The following WDFY4 variants were observed in gnomAD, a reference collection of about 807,000 sequenced individuals.
WDFY4 encodes the protein WD repeat- and FYVE domain-containing protein 4.
Under a neutral mutation model 351.9 loss-of-function variants are expected in WDFY4, and 169 were observed. That is an observed-to-expected ratio of 0.48 (90% CI 0.42 to 0.55). WDFY4 has a LOEUF of 0.55. Ranked by LOEUF, WDFY4 falls within the 20% of genes least tolerant of loss-of-function variation. The probability of loss-of-function intolerance (pLI) is 0.00; values close to 1 mark genes in which losing one functional copy is unlikely to be tolerated. For synonymous variants in WDFY4, 1,622 were observed against 1,574.6 expected (o/e 1.03, Z -0.71); for missense variants, 3,803 against 3,935.6 (o/e 0.97, Z 0.90).
chr10:48,725,168 T>C (rs1239021996), intron 5 of WDFY4, among the ~76,000 whole-genome samples: 3 of 151,248 alleles, frequency 2.0e-5, no homozygotes, highest in Non-Finnish European at 4.4e-5. Context: ...CTGTGGTCCA[T>C]GAAGCCCAGC....
At chr10:48,687,567 A>T (rs1412803605) in intron 1 of WDFY4, among the ~76,000 whole-genome samples, 1 of 148,566 alleles carries the variant, frequency 6.7e-6, no homozygotes, top group African/African-American at 2.5e-5. Context: ...CTTTTCCCAT[A>T]TGGATAACCA....
intron 43 of WDFY4, among the ~76,000 whole-genome samples, chr10:48,885,345 G>C (rs536979657): frequency 4.5e-4 from 68 of 152,318 alleles, no homozygotes; most frequent in African/African-American, 1.6e-3. Flanking sequence ...GGCTAAAAAT[G>C]CGCTCCAATT....
intron 1 of WDFY4, among the ~76,000 whole-genome samples, chr10:48,706,848 G>T (rs1218610066): frequency 6.6e-6 from 1 of 152,204 alleles, no homozygotes; most frequent in East Asian, 1.9e-4. Flanking sequence ...GTGCCTAAGT[G>T]TAAGGGCTTA....
intron 57 of WDFY4, among the ~76,000 whole-genome samples, chr10:48,972,515 C>T (rs943982352): frequency 7.9e-5 from 12 of 152,232 alleles, no homozygotes; most frequent in African/African-American, 1.7e-4. Flanking sequence ...ACATTTCAAT[C>T]GTTCCATATC....
intron 47 of WDFY4, among the ~76,000 whole-genome samples, chr10:48,930,393 T>C (rs1839921389): frequency 6.6e-6 from 1 of 152,182 alleles, no homozygotes; most frequent in African/African-American, 2.4e-5. Context: ...GCTTTCCAAA[T>C]AGACACAGAT....
intron 40 of WDFY4, among the ~76,000 whole-genome samples, chr10:48,871,100 A>T (rs573536212): frequency 6.6e-6 from 1 of 151,920 alleles, no homozygotes; most frequent in African/African-American, 2.4e-5. Flanking sequence ...CGCCTAGCTA[A>T]TTTTTTTGTA....
chr10:48,865,586 G>T (rs975795714), intron 39 of WDFY4, among the ~76,000 whole-genome samples: 5 of 152,138 alleles, frequency 3.3e-5, no homozygotes, highest in African/African-American at 1.2e-4. Context: ...AGAATGTGTT[G>T]GGAAGTGTCC....
At chr10:48,968,266 C>A (rs1348162122) in intron 55 of WDFY4, 3 of 152,330 alleles carry the variant, frequency 2.0e-5, no homozygotes, top group Admixed American at 2.0e-4. Context: ...CTGGCAGATG[C>A]TGGTGCCACT....
chr10:48,952,504 C>T lies in WDFY4; in HGVS notation c.7978-4625C>T, dbSNP rs184032368. Among the ~76,000 whole-genome samples the T allele has an allele frequency of 3.2e-3, 493 of 152,244 alleles. 2 individuals carry two copies. The highest frequency in any genetic ancestry group is 4.6e-3 in the Admixed American group (71 of 15,298). On this transcript the variant is annotated intron_variant, in intron 51 of 61. Transcript: ENST00000325239. Reference sequence around the variant, plus strand: ...CACGTGCAATAGAGACAGACAGTCCCGGGATAATCTCCTGGCTCTAGAACT... The same window carrying T: ...CACGTGCAATAGAGACAGACAGTCCTGGGATAATCTCCTGGCTCTAGAACT...
At chr10:48,858,629 T>A (rs958392289) in intron 39 of WDFY4, among the ~76,000 whole-genome samples, 9 of 152,344 alleles carry the variant, frequency 5.9e-5, no homozygotes, top group Non-Finnish European at 8.8e-5. Context: ...AGTCTTGAAA[T>A]CCGGTGGAAT....
At chr10:48,941,775 T>C in intron 47 of WDFY4, 31 bp from the exon 48 acceptor site, 1 of 1,551,232 alleles carries the variant, frequency 6.4e-7, no homozygotes, top group Non-Finnish European at 8.7e-7. Flanking sequence ...CTTGGTATAT[T>C]TAGTCACCAC....
At chr10:48,880,145 G>A (rs1335002067) in intron 43 of WDFY4, among the ~76,000 whole-genome samples, 1 of 152,164 alleles carries the variant, frequency 6.6e-6, no homozygotes, top group African/African-American at 2.4e-5. Flanking sequence ...CTTTGTAGGT[G>A]GCCTGACTCC....
At chr10:48,897,427 T>A (rs377280837) in intron 44 of WDFY4, 27 bp from the exon 45 acceptor site, 1 of 1,547,112 alleles carries the variant, frequency 6.5e-7, no homozygotes, top group African/African-American at 1.4e-5. Flanking sequence ...TCTGAACATG[T>A]GCCCTGCATG....
intron 43 of WDFY4, among the ~76,000 whole-genome samples, chr10:48,888,341 TTTTC>T (rs1351086261): frequency 6.7e-6 from 1 of 148,832 alleles, no homozygotes; most frequent in African/African-American, 2.5e-5. Flanking sequence ...TTTCCTTTTC[TTTTC>T]TTTTTCTTCT....
At chr10:48,719,467 G>A (rs2064008405) in intron 2 of WDFY4, among the ~76,000 whole-genome samples, 1 of 152,206 alleles carries the variant, frequency 6.6e-6, no homozygotes, top group Non-Finnish European at 1.5e-5. Context: ...GCTCAACTTT[G>A]TCTGGAAGCT....
intron 7 of WDFY4, among the ~76,000 whole-genome samples, chr10:48,728,229 A>G (rs2064333584): frequency 6.6e-6 from 1 of 151,972 alleles, no homozygotes; most frequent in African/African-American, 2.4e-5. Flanking sequence ...TCTGGGATCA[A>G]CTCCCAAGTG....
intron 12 of WDFY4, among the ~76,000 whole-genome samples, chr10:48,756,646 A>G (rs2065346516): frequency 6.6e-6 from 1 of 152,110 alleles, no homozygotes; most frequent in South Asian, 2.1e-4. Context: ...CTTTGAATTT[A>G]CTGAGAATTT....
chr10:48,869,237 T>C (rs968309750), intron 40 of WDFY4, among the ~76,000 whole-genome samples: 2 of 152,216 alleles, frequency 1.3e-5, no homozygotes, highest in African/African-American at 2.4e-5. Flanking sequence ...GTCCAAACTC[T>C]GGACAGAGAT....
At chr10:48,751,163 G>A (rs890321978) in intron 12 of WDFY4, among the ~76,000 whole-genome samples, 17 of 152,236 alleles carry the variant, frequency 1.1e-4, no homozygotes, top group African/African-American at 3.9e-4. Context: ...GGCAGGCCCA[G>A]AAATTGAGAG....
Sources: gnomAD v4.1 joint callset for allele counts (sites outside exome capture counted in the v4.1 genomes callset) on GRCh38, gnomAD v4.1.1 for gene constraint, MANE v1.5 for transcripts, NCBI Gene and HGNC (gene_info 2026-07-23, HGNC 2026-07-21) for gene names.